The following DYNC2H1 variants were observed in gnomAD, a reference collection of about 807,000 sequenced individuals.
DYNC2H1 encodes the protein dynein cytoplasmic 2 heavy chain 1, also known as cytoplasmic dynein 2 heavy chain 1.
In DYNC2H1, 410 loss-of-function variants were observed where a neutral mutation model predicts 570.0. That is an observed-to-expected ratio of 0.72 (90% CI 0.66 to 0.78). The LOEUF is 0.78. Among genes scored for constraint, DYNC2H1 ranks in the 30% least tolerant of loss-of-function variants. DYNC2H1 has a pLI of 0.00. For synonymous variants in DYNC2H1, 1,688 were observed against 1,677.6 expected (o/e 1.01, Z -0.15); for missense variants, 4,865 against 5,046.4 (o/e 0.96, Z 1.09).
chr11:103,210,763 T>C (rs1022404200), intron 53 of DYNC2H1, among the ~76,000 whole-genome samples: 9 of 151,950 alleles, frequency 5.9e-5, no homozygotes, highest in African/African-American at 2.2e-4. Flanking sequence ...CTTATGAAAC[T>C]ATAAATAGCC....
At chr11:103,114,278 T>C in intron 3 of DYNC2H1, 40 bp downstream of exon 3, 4 of 1,509,094 alleles carry the variant, frequency 2.7e-6, no homozygotes, top group South Asian at 2.6e-5. Flanking sequence ...TACAAAATGA[T>C]TGTCTCATTA....
intron 24 of DYNC2H1, 22 bp downstream of exon 24, chr11:103,154,831 G>A: frequency 2.0e-6 from 3 of 1,509,264 alleles, no homozygotes; most frequent in South Asian, 1.3e-5. Context: ...TTATTATTTT[G>A]CCAATTAAAA....
At chr11:103,192,701 T>C (rs1862366493) in intron 47 of DYNC2H1, among the ~76,000 whole-genome samples, 1 of 152,222 alleles carries the variant, frequency 6.6e-6, no homozygotes, top group Admixed American at 6.5e-5. Flanking sequence ...CTTCATCTAT[T>C]GTTATTGTAA....
At chr11:103,251,492 G>A (rs531284084) in intron 65 of DYNC2H1, among the ~76,000 whole-genome samples, 2 of 152,106 alleles carry the variant, frequency 1.3e-5, no homozygotes, top group South Asian at 2.1e-4. Flanking sequence ...CTGTCGTAAA[G>A]CAAATTAACA....
At chr11:103,110,335 C>T (rs1443262923) in intron 1 of DYNC2H1, among the ~76,000 whole-genome samples, 2 of 152,020 alleles carry the variant, frequency 1.3e-5, no homozygotes, top group Admixed American at 1.3e-4. Context: ...TTAAGAAAGA[C>T]TGCAGATACG....
At chr11:103,341,444 C>T (rs1939435120) in intron 82 of DYNC2H1, among the ~76,000 whole-genome samples, 1 of 152,140 alleles carries the variant, frequency 6.6e-6, no homozygotes, top group South Asian at 2.1e-4. Context: ...TGGACAATTT[C>T]TCTAAGTGTG....
Position 103,243,110 on chromosome 11 carries a change from A to G in DYNC2H1, c.9820-583A>G, listed in dbSNP as rs623382. Among the ~76,000 whole-genome samples, 10,294 of 152,126 alleles carry G rather than the reference A, an allele frequency of 0.068. 381 individuals are homozygous for G. Among genetic ancestry groups the G allele is most frequent in the Middle Eastern group, 0.15 (44 of 294 alleles). ...AGCCCATGTAATTTTCTCTTCCAGG[A>G]TACTCCTTTAGTAATATTGGATATA... On this transcript the variant is annotated intron_variant, in intron 63 of 88. Coordinates refer to ENST00000375735, the MANE Select transcript of DYNC2H1 (RefSeq NM_001377.3). This position sits in a 1 kb window ranked among gnomAD's most constrained non-coding sequence, Gnocchi z 4.8.
rs1938339432 is a variant in DYNC2H1 at position 103,323,940 on chromosome 11, G to T, written c.11989G>T (p.Gly3997Cys). ...IPEDDKPSFF[G>C]LPANIARSSQ... ...AGAGGACGACAAACCTAGTTTCTTT[G>T]GTCTGCCTGCCAATATCGCTCGCTC... The change falls in exon 82 of 89, where the codon GGT becomes TGT. Residue 3997 changes from glycine to cysteine, a missense_variant. This residue lies in a region of DYNC2H1 where 2,401 missense variants were observed against 2,454.6 expected (regional missense o/e 0.98). Coordinates refer to ENST00000375735, the MANE Select transcript of DYNC2H1 (RefSeq NM_001377.3). The T allele has an allele frequency of 6.2e-7, 1 of 1,612,676 alleles. No homozygotes were observed.
In DYNC2H1 at chr11:103,243,543, T is replaced by C. The variant is rs998659391; in HGVS notation, c.9820-150T>C. On this transcript the variant is annotated intron_variant, in intron 63 of 88. Transcript: ENST00000375735. This position sits in a 1 kb window ranked among gnomAD's most constrained non-coding sequence, Gnocchi z 4.8. Reference sequence around the variant, plus strand: ...GATGCAGCTAAAAACTGTATTTTTGTTTCTTTTTCATGGTTGTATATTTGT... The same window carrying C: ...GATGCAGCTAAAAACTGTATTTTTGCTTCTTTTTCATGGTTGTATATTTGT... 19 of 643,362 alleles carry C rather than the reference T, an allele frequency of 3.0e-5. No homozygotes were observed. In the African/African-American group the frequency reaches 3.3e-4, roughly 11 times the overall value. 39.9% of individuals were successfully genotyped at this position (643,362 alleles called of 1,614,324 possible).
At chr11:103,316,702 G>A (rs1447422074) in intron 80 of DYNC2H1, 82 bp downstream of exon 80, 13 of 1,101,746 alleles carry the variant, frequency 1.2e-5, no homozygotes, top group Non-Finnish European at 1.6e-5. Context: ...CTTCAGAAGT[G>A]GCTTAACTTC....
intron 11 of DYNC2H1, 138 bp from the exon 12 acceptor site, chr11:103,124,962 T>G: frequency 1.7e-6 from 1 of 598,352 alleles, no homozygotes; most frequent in South Asian, 3.0e-5. Context: ...AACCCACAAC[T>G]TAAAAGCTAT....
intron 82 of DYNC2H1, among the ~76,000 whole-genome samples, chr11:103,340,566 G>T (rs1198299346): frequency 6.6e-6 from 1 of 152,098 alleles, no homozygotes; most frequent in African/African-American, 2.4e-5. Flanking sequence ...GGTATTTAAT[G>T]AAGTTGTTCA....
intron 82 of DYNC2H1, among the ~76,000 whole-genome samples, chr11:103,328,683 A>G (rs571514627): frequency 1.5e-4 from 23 of 152,226 alleles, no homozygotes; most frequent in South Asian, 4.1e-4. Flanking sequence ...AGTTGTATCT[A>G]TCTACTGCAA....
At chr11:103,389,152 A>T (rs1246659925) in intron 83 of DYNC2H1, among the ~76,000 whole-genome samples, 1 of 152,108 alleles carries the variant, frequency 6.6e-6, no homozygotes, top group Non-Finnish European at 1.5e-5. Context: ...TTGGTTGGCA[A>T]GCTATGAACT....
rs761765709 is a variant in DYNC2H1 at position 103,435,986 on chromosome 11, C to G, written c.12410C>G (p.Pro4137Arg). ...WQSKWEGPED[P>R]LQYLRGLVAR... is the part of the protein sequence containing the mutation. The stretch of plus-strand genomic sequence containing the variant: ...AGCAAGTGGGAAGGCCCAGAAGATC[C>G]CTTACAATACCTGAGAGGTCTTGTT... Residue 4137 changes from proline to arginine, a missense_variant, in exon 85 of 89, where the codon CCC becomes CGC. By Grantham distance (103) the Pro-to-Arg change is moderately radical. This residue lies in a region of DYNC2H1 where 2,401 missense variants were observed against 2,454.6 expected (regional missense o/e 0.98). Coordinates refer to ENST00000375735, the MANE Select transcript of DYNC2H1 (RefSeq NM_001377.3). The G allele has an allele frequency of 3.1e-5, 50 of 1,612,468 alleles. No homozygotes were observed. Among genetic ancestry groups the G allele is most frequent in the Non-Finnish European group, 4.0e-5 (47 of 1,179,082 alleles).
At chr11:103,171,220 T>C (rs1178071324) in intron 34 of DYNC2H1, among the ~76,000 whole-genome samples, 152 bp downstream of exon 34, 1 of 152,084 alleles carries the variant, frequency 6.6e-6, no homozygotes, top group African/African-American at 2.4e-5. Flanking sequence ...ATAAAACGTT[T>C]CTGAGGTTTC....
chr11:103,164,630 C>G (rs991257551), intron 30 of DYNC2H1, among the ~76,000 whole-genome samples: 10 of 152,158 alleles, frequency 6.6e-5, no homozygotes, highest in Non-Finnish European at 1.3e-4. Flanking sequence ...TTGACACTTA[C>G]ATTATTTACA....
At chr11:103,276,803 T>C (rs1865925690) in intron 70 of DYNC2H1, among the ~76,000 whole-genome samples, 1 of 152,122 alleles carries the variant, frequency 6.6e-6, no homozygotes, top group Non-Finnish European at 1.5e-5. Flanking sequence ...AATCTTTCAA[T>C]GACTGTCCTT....
At chr11:103,115,435 G>A (rs962701652) in intron 4 of DYNC2H1, 140 bp downstream of exon 4, 2 of 516,690 alleles carry the variant, frequency 3.9e-6, no homozygotes, top group Admixed American at 3.7e-5. Flanking sequence ...AAAACTTTAA[G>A]TTGTATATGT....
Sources: gnomAD v4.1 joint callset for allele counts (sites outside exome capture counted in the v4.1 genomes callset) on GRCh38, gnomAD v4.1.1 for gene constraint, gnomAD v4.1.1 regional missense constraint, Gnocchi (gnomAD v3.1) non-coding constraint, MANE v1.5 for transcripts, NCBI Gene and HGNC (gene_info 2026-07-23, HGNC 2026-07-21) for gene names.